The following CADM1 variants were observed in gnomAD, a reference collection of about 807,000 sequenced individuals.
The protein encoded by CADM1 is cell adhesion molecule 1.
In CADM1, 15 loss-of-function variants were observed where a neutral mutation model predicts 53.1. That is an observed-to-expected ratio of 0.28 (90% CI 0.19 to 0.44). The LOEUF is 0.44. CADM1 is among the 20% of genes least tolerant of loss of function. The pLI, the probability that CADM1 is intolerant of heterozygous loss-of-function variation, is 1.00. For missense variants in CADM1, 434 were observed against 611.3 expected, an observed-to-expected ratio of 0.71 and a Z score of 3.06; for synonymous variants, 281 against 243.0, an observed-to-expected ratio of 1.16 and a Z score of -1.45.
intron 10 of CADM1, among the ~76,000 whole-genome samples, chr11:115,181,322 G>A (rs979421199): frequency 2.0e-5 from 3 of 152,268 alleles, no homozygotes; most frequent in South Asian, 4.1e-4. Flanking sequence ...TGAACTTTGA[G>A]CTAAATATGC....
chr11:115,425,393 C>T (rs1273125618), intron 1 of CADM1, among the ~76,000 whole-genome samples: 2 of 152,218 alleles, frequency 1.3e-5, no homozygotes, highest in Admixed American at 6.5e-5. Flanking sequence ...ATTTTAATAA[C>T]ATGCCAAGCC....
intron 1 of CADM1, among the ~76,000 whole-genome samples, chr11:115,285,323 A>T (rs1022049955): frequency 2.0e-5 from 3 of 152,228 alleles, no homozygotes; most frequent in African/African-American, 7.2e-5. Flanking sequence ...TAATATGTAA[A>T]CTTCGTTGTG....
At chr11:115,447,964 A>G (rs549594890) in intron 1 of CADM1, among the ~76,000 whole-genome samples, 1 of 152,246 alleles carries the variant, frequency 6.6e-6, no homozygotes, top group East Asian at 1.9e-4. Flanking sequence ...CTGTTTCTAC[A>G]TTCTTTACAA....
chr11:115,312,207 T>C (rs1461973611), intron 1 of CADM1, among the ~76,000 whole-genome samples: 2 of 152,146 alleles, frequency 1.3e-5, no homozygotes, highest in Non-Finnish European at 2.9e-5. Flanking sequence ...AGAAAAAGAA[T>C]GATTAGTTTC....
At chr11:115,407,356 G>A (rs189604943) in intron 1 of CADM1, among the ~76,000 whole-genome samples, 6 of 152,228 alleles carry the variant, frequency 3.9e-5, no homozygotes, top group East Asian at 1.9e-4. Context: ...AAGCTGAACC[G>A]CTGGATGAGT....
At chr11:115,256,816 T>C in intron 1 of CADM1, 1 of 456,104 alleles carries the variant, frequency 2.2e-6, no homozygotes, top group South Asian at 1.5e-5. Context: ...ATATGAAAGC[T>C]GTTAGCTGTT....
chr11:115,335,673 CATG>C (rs1044931564), intron 1 of CADM1, among the ~76,000 whole-genome samples: 4 of 152,044 alleles, frequency 2.6e-5, no homozygotes, highest in Non-Finnish European at 5.9e-5. Context: ...TTTAGCCACT[CATG>C]ATGTTTTAAA....
At chr11:115,478,571 C>A (rs1216523312) in intron 1 of CADM1, among the ~76,000 whole-genome samples, 1 of 140,212 alleles carries the variant, frequency 7.1e-6, no homozygotes, top group Non-Finnish European at 1.7e-5. Context: ...TGTATCTTCT[C>A]TCTTTCTCTA....
chr11:115,481,872 C>T (rs1439700824), intron 1 of CADM1, among the ~76,000 whole-genome samples: 1 of 152,190 alleles, frequency 6.6e-6, no homozygotes, highest in African/African-American at 2.4e-5. Context: ...TGCTCCCTAA[C>T]TGCTCTCCTA....
intron 1 of CADM1, among the ~76,000 whole-genome samples, chr11:115,371,793 C>T (rs1346426556): frequency 7.6e-6 from 1 of 131,054 alleles, no homozygotes; most frequent in African/African-American, 2.9e-5. Context: ...CACCTGCCAC[C>T]ACGCCCAGCT....
At chr11:115,490,827 T>C (rs1038452127) in intron 1 of CADM1, among the ~76,000 whole-genome samples, 7 of 152,230 alleles carry the variant, frequency 4.6e-5, no homozygotes, top group Non-Finnish European at 8.8e-5. Context: ...TTGTGTTTCT[T>C]GGACAAGGGA....
intron 1 of CADM1, among the ~76,000 whole-genome samples, chr11:115,473,476 C>T (rs992906775): frequency 1.3e-5 from 2 of 152,064 alleles, no homozygotes; most frequent in African/African-American, 2.4e-5. Context: ...AAAGTAACTA[C>T]CTCAATTGGC....
intron 9 of CADM1, among the ~76,000 whole-genome samples, chr11:115,194,762 C>G (rs954815699): frequency 6.6e-6 from 1 of 152,122 alleles, no homozygotes; most frequent in Admixed American, 6.5e-5. Context: ...AGCACTATTC[C>G]AGACCATGGG....
chr11:115,284,511 T>TAA (rs1296617363), intron 1 of CADM1, among the ~76,000 whole-genome samples: 24 of 138,054 alleles, frequency 1.7e-4, no homozygotes, highest in African/African-American at 4.7e-4. Context: ...AAGGTTTGTC[T>TAA]AAAAAAAAAA....
chr11:115,261,927 G>A (rs1042709473), intron 1 of CADM1, among the ~76,000 whole-genome samples: 5 of 151,694 alleles, frequency 3.3e-5, no homozygotes, highest in African/African-American at 4.8e-5. Context: ...TTACAGGCAC[G>A]TGCCACCACA....
intron 1 of CADM1, among the ~76,000 whole-genome samples, chr11:115,443,964 TTG>T (rs951779587): frequency 4.0e-5 from 6 of 150,050 alleles, no homozygotes; most frequent in African/African-American, 1.2e-4. Context: ...TCGGGTCTTT[TTG>T]TGTGTCCTAT....
chr11:115,326,769 T>C (rs573331212), intron 1 of CADM1, among the ~76,000 whole-genome samples: 2 of 152,302 alleles, frequency 1.3e-5, no homozygotes, highest in East Asian at 1.9e-4. Context: ...TTGGCAACCA[T>C]TGAATTTGTC....
At chr11:115,450,970 G>T (rs1948558649) in intron 1 of CADM1, among the ~76,000 whole-genome samples, 1 of 152,048 alleles carries the variant, frequency 6.6e-6, no homozygotes. Flanking sequence ...ATCAATCAAG[G>T]CTAACATTTC....
rs548013124 is a variant in CADM1, at chr11:115,487,858, A to G, written c.124+16413T>C. ...TTGGATAATACCAATCATATACTATACATTAAGACACTGACAAAAATTTGT... is the reference window on the plus strand; with the variant it reads ...TTGGATAATACCAATCATATACTATGCATTAAGACACTGACAAAAATTTGT... On this transcript the variant is annotated intron_variant, in intron 1 of 11. Transcript: ENST00000331581. Among the ~76,000 whole-genome samples, 7 of 152,356 alleles carry G rather than the reference A, an allele frequency of 4.6e-5. No homozygotes were observed. In the East Asian group the frequency reaches 1.3e-3, roughly 29 times the overall value.
Sources: gnomAD v4.1 joint callset for allele counts (sites outside exome capture counted in the v4.1 genomes callset) on GRCh38, gnomAD v4.1.1 for gene constraint, MANE v1.5 for transcripts, NCBI Gene and HGNC (gene_info 2026-07-23, HGNC 2026-07-21) for gene names.